Variants in PPFIA1 observed in about 807,000 individuals in gnomAD.
PPFIA1 encodes the protein PPFI scaffold protein A1.
Under a neutral mutation model 149.9 loss-of-function variants are expected in PPFIA1, and 25 were observed. The ratio of observed to expected loss-of-function variants is 0.17; its 90% CI spans 0.12 to 0.23. PPFIA1 has a LOEUF of 0.23. Among genes scored for constraint, PPFIA1 ranks in the 10% least tolerant of loss-of-function variants. The pLI, the probability that PPFIA1 is intolerant of heterozygous loss-of-function variation, is 1.00. For missense variants in PPFIA1, 1,362 were observed against 1,506.5 expected, an observed-to-expected ratio of 0.90 and a Z score of 1.59; for synonymous variants, 549 against 552.8, an observed-to-expected ratio of 0.99 and a Z score of 0.10.
chr11:70,365,837 C>T (rs2056898788), intron 21 of PPFIA1: 2 of 411,024 alleles, frequency 4.9e-6, no homozygotes, highest in South Asian at 1.8e-5. Context: ...AACTTTTTCA[C>T]TCAGTGAAGC....
chr11:70,357,820 C>T (rs976485958), intron 19 of PPFIA1, among the ~76,000 whole-genome samples: 1 of 152,154 alleles, frequency 6.6e-6, no homozygotes, highest in African/African-American at 2.4e-5. Flanking sequence ...ATCTCCTGAC[C>T]TCGTGATCTG....
intron 19 of PPFIA1, among the ~76,000 whole-genome samples, chr11:70,356,704 A>G (rs1372356634): frequency 6.6e-6 from 1 of 152,266 alleles, no homozygotes; most frequent in Non-Finnish European, 1.5e-5. Context: ...CCAGCAAGTC[A>G]TAAACAAGTT....
At chr11:70,309,718 A>G (rs1204531401) in intron 2 of PPFIA1, among the ~76,000 whole-genome samples, 1 of 152,222 alleles carries the variant, frequency 6.6e-6, no homozygotes, top group Non-Finnish European at 1.5e-5. Context: ...ACCCTTGAAA[A>G]TACTATGCCA....
rs371014989 is a variant in PPFIA1, at chr11:70,354,259, C to T, written c.2164-42C>T. ...TATAATTTAAGGCCTGAGTTTTTCA[C>T]AGTCTGCTGTTAACTAACTTTGCAC... is the stretch of plus-strand genomic sequence containing the variant. On this transcript the variant is annotated intron_variant, in intron 16 of 27. Transcript: ENST00000253925. 110 of 1,562,174 alleles carry T rather than the reference C, an allele frequency of 7.0e-5. 2 individuals carry two copies. The Admixed American group carries it at 9.7e-4, about 14-fold the overall frequency.
Position 70,375,191 on chromosome 11 carries a change from A to AC in PPFIA1, c.3315+98_3315+99insC, listed in dbSNP as rs1243444800. The AC allele has an allele frequency of 5.6e-4, 228 of 405,352 alleles. 3 individuals carry two copies. The South Asian group carries it at 0.018, about 31-fold the overall frequency. The allele number at this position is 405,352 out of a possible 1,614,324, so 25.1% of individuals were successfully genotyped here. A position where few individuals can be genotyped will look rare whatever the true frequency, so the allele number is the denominator to read the frequency against. On this transcript the variant is annotated intron_variant, in intron 24 of 27. Coordinates refer to ENST00000253925, the MANE Select transcript of PPFIA1 (RefSeq NM_003626.5). ...AATAGAAAGAAACTTTAAAAAAAAA[A>AC]AAAAAAAAAAACTTCAGACAACTAG... is the stretch of plus-strand genomic sequence containing the variant.
intron 26 of PPFIA1, among the ~76,000 whole-genome samples, chr11:70,379,701 A>T (rs1269849020): frequency 2.0e-5 from 3 of 152,104 alleles, no homozygotes; most frequent in African/African-American, 7.2e-5. Context: ...TAGGTTCATA[A>T]ATTTTGTTCT....
At chr11:70,339,328 C>G (rs746091359) in intron 14 of PPFIA1, 22 bp downstream of exon 14, 97 of 1,602,834 alleles carry the variant, frequency 6.1e-5, no homozygotes, top group Non-Finnish European at 8.1e-5. Flanking sequence ...GTGTGAAATA[C>G]CTCTGCTTAC....
chr11:70,338,562 C>G (rs1027961082), intron 13 of PPFIA1, 109 bp downstream of exon 13: 1 of 818,818 alleles, frequency 1.2e-6, no homozygotes, highest in Non-Finnish European at 2.0e-6. Flanking sequence ...CCTCAAGGAG[C>G]CTGTAGCTTA....
chr11:70,372,414 A>C, intron 22 of PPFIA1, 24 bp downstream of exon 22: 1 of 1,613,684 alleles, frequency 6.2e-7, no homozygotes. Context: ...GATAGTTCTT[A>C]ATAATTGGCT....
rs544416840 is a variant in PPFIA1, at chr11:70,282,137, G to A, written c.264+9701G>A. On this transcript the variant is annotated intron_variant, in intron 2 of 27. Transcript: ENST00000253925. ...CACTTAACCACTTAAAGACAGTAGA[G>A]CAAGTGGCCTGCCCAGCGGGAGACA... is the stretch of plus-strand genomic sequence containing the variant. 2.0e-5 allele frequency among the ~76,000 whole-genome samples: 3 copies of A among 152,170 alleles called. No individual in the cohort carries two copies. In the South Asian group the frequency reaches 6.2e-4, roughly 32 times the overall value.
At position 70,281,755 on chromosome 11, in the gene PPFIA1, A is replaced by T. The variant is rs1453219804; in HGVS notation, c.264+9319A>T. Reference sequence around the variant, plus strand: ...AGTGGGGGCTCTGAATAGTGGACTCACCTCAGTGGGCCTCTCTTTGGTTTG... The same window carrying T: ...AGTGGGGGCTCTGAATAGTGGACTCTCCTCAGTGGGCCTCTCTTTGGTTTG... On this transcript the variant is annotated intron_variant, in intron 2 of 27. Transcript: ENST00000253925. 3.9e-5 allele frequency among the ~76,000 whole-genome samples: 6 copies of T among 152,036 alleles called. No homozygotes were observed. The East Asian group carries it at 1.2e-3, about 29-fold the overall frequency.
chr11:70,356,082 A>G (rs2137372328), intron 18 of PPFIA1, 79 bp from the exon 19 acceptor site: 1 of 1,196,768 alleles, frequency 8.4e-7, no homozygotes, highest in Non-Finnish European at 1.2e-6. Flanking sequence ...GAACCTGCAA[A>G]TATTCATCTG....
intron 2 of PPFIA1, among the ~76,000 whole-genome samples, chr11:70,299,781 C>G (rs2052350832): frequency 6.6e-6 from 1 of 152,190 alleles, no homozygotes; most frequent in East Asian, 1.9e-4. Flanking sequence ...CTGATACACA[C>G]TCGCCTTTGA....
At chr11:70,346,757 G>C (rs890449242) in intron 15 of PPFIA1, among the ~76,000 whole-genome samples, 1 of 152,186 alleles carries the variant, frequency 6.6e-6, no homozygotes, top group Non-Finnish European at 1.5e-5. Flanking sequence ...CCTGATGTAA[G>C]TGTTCTGTCC....
At chr11:70,374,774 C>G in intron 23 of PPFIA1, 144 bp from the exon 24 acceptor site, 1 of 662,604 alleles carries the variant, frequency 1.5e-6, no homozygotes, top group South Asian at 2.1e-5. Context: ...AAATGGTTGT[C>G]TATTTAGCAG....
At chr11:70,321,229 A>G (rs1314183566) in intron 2 of PPFIA1, 2 of 152,414 alleles carry the variant, frequency 1.3e-5, no homozygotes, top group African/African-American at 4.8e-5. Flanking sequence ...CTCACCAGAC[A>G]CCAAATCTGC....
At chr11:70,331,842 G>T in intron 8 of PPFIA1, 118 bp from the exon 9 acceptor site, 1 of 1,162,436 alleles carries the variant, frequency 8.6e-7, no homozygotes. Flanking sequence ...TCCCATCACT[G>T]TAGCTCTTCC....
At chr11:70,321,392 T>C (rs1179421829) in intron 2 of PPFIA1, 3 of 152,272 alleles carry the variant, frequency 2.0e-5, no homozygotes, top group Non-Finnish European at 2.9e-5. Context: ...TCTGTCGCGA[T>C]GAGCCCGAGA....
chr11:70,328,709 C>T (rs1171409595), intron 7 of PPFIA1, among the ~76,000 whole-genome samples: 1 of 151,950 alleles, frequency 6.6e-6, no homozygotes, highest in Non-Finnish European at 1.5e-5. Flanking sequence ...GAAAACATTC[C>T]TTTTTCTCCA....
Sources: allele counts gnomAD v4.1 joint callset (sites outside exome capture counted in the v4.1 genomes callset), GRCh38; gene constraint gnomAD v4.1.1; transcripts MANE v1.5; gene names NCBI Gene and HGNC (gene_info 2026-07-23, HGNC 2026-07-21).